Variants in CLSTN3 observed in about 807,000 individuals in gnomAD.
CLSTN3 encodes the protein calsyntenin-3.
A neutral mutation model predicts 95.9 loss-of-function variants in CLSTN3; 36 were observed. The observed-to-expected ratio is 0.38, with a 90% CI of 0.29 to 0.50. The LOEUF is 0.50. Among genes scored for constraint, CLSTN3 ranks in the 20% least tolerant of loss-of-function variants. The pLI is 0.95. For synonymous variants in CLSTN3, 481 were observed against 504.0 expected (o/e 0.95, Z 0.61); for missense variants, 1,084 against 1,268.8 (o/e 0.85, Z 2.21).
At chr12:7,155,733 G>C (rs1252507357) in intron 16 of CLSTN3, among the ~76,000 whole-genome samples, 1 of 152,244 alleles carries the variant, frequency 6.6e-6, no homozygotes, top group East Asian at 1.9e-4. Flanking sequence ...AACCAGTGTC[G>C]AGGGAGTGTG....
Position 7,150,376 on chromosome 12 carries a change from G to T in CLSTN3, c.2246-168G>T. 2 of 674,618 alleles carry T rather than the reference G, an allele frequency of 3.0e-6. No homozygotes were observed. The highest frequency in any genetic ancestry group is 4.9e-6 in the Non-Finnish European group (2 of 411,572). 41.8% of individuals were successfully genotyped at this position (674,618 alleles called of 1,614,324 possible). ...ATCCTAGTTAGTCAGAGTGGGCAGGGATGGAGGGGAGCATCCCTCCCTTCG... is the reference window on the plus strand; with the variant it reads ...ATCCTAGTTAGTCAGAGTGGGCAGGTATGGAGGGGAGCATCCCTCCCTTCG... On this transcript the variant is annotated intron_variant, in intron 14 of 17. Coordinates refer to ENST00000266546, the MANE Select transcript of CLSTN3 (RefSeq NM_014718.4). This position sits in a 1 kb window ranked among gnomAD's most constrained non-coding sequence, Gnocchi z 4.0.
At chr12:7,142,194 C>A in intron 10 of CLSTN3, 55 bp downstream of exon 10, 1 of 1,461,772 alleles carries the variant, frequency 6.8e-7, no homozygotes, top group Non-Finnish European at 9.5e-7. Flanking sequence ...ACTTTCTGTT[C>A]TGAGATCCCT....
At chr12:7,147,118 C>T (rs1939632981) in intron 12 of CLSTN3, among the ~76,000 whole-genome samples, 1 of 152,102 alleles carries the variant, frequency 6.6e-6, no homozygotes, top group Admixed American at 6.5e-5. Context: ...GATCAGAGTC[C>T]ATGCTCCTGG....
intron 10 of CLSTN3, among the ~76,000 whole-genome samples, chr12:7,142,427 C>A (rs1939543117): frequency 1.3e-5 from 2 of 152,198 alleles, no homozygotes; most frequent in Middle Eastern, 3.4e-3. Flanking sequence ...GTCAGACACG[C>A]AGAAGGGGAA....
At position 7,130,471 on chromosome 12, in the gene CLSTN3, T is replaced by C. The variant is rs1939274907; in HGVS notation, c.-178T>C. On this transcript the variant is annotated 5_prime_UTR_variant, in exon 1 of 18. Coordinates refer to ENST00000266546, the MANE Select transcript of CLSTN3 (RefSeq NM_014718.4). Reference sequence around the variant, plus strand: ...AGTCCACCGCCTCAGCTACCCAGATTGGGATCTGCCCAGGCCCGCTTTATG... The same window carrying C: ...AGTCCACCGCCTCAGCTACCCAGATCGGGATCTGCCCAGGCCCGCTTTATG... The C allele has an allele frequency of 6.7e-7, 1 of 1,492,884 alleles. No individual in the cohort carries two copies. Among genetic ancestry groups the C allele is most frequent in the African/African-American group, 1.4e-5 (1 of 71,862 alleles). 92.5% of individuals were successfully genotyped at this position (1,492,884 alleles called of 1,614,324 possible).
Position 7,148,922 on chromosome 12 carries a change from G to A in CLSTN3, c.1848-50G>A, listed in dbSNP as rs774603557. 246 of 1,513,272 alleles carry A rather than the reference G, an allele frequency of 1.6e-4. 4 individuals are homozygous for A. The South Asian group carries it at 2.4e-3, about 15-fold the overall frequency. 93.7% of individuals were successfully genotyped at this position (1,513,272 alleles called of 1,614,324 possible). ...GGAGTGAAACAGAATGTGGGTTTTC[G>A]GGGAGGAAGTGTTGGGGTCACATGC... On this transcript the variant is annotated intron_variant, in intron 12 of 17. Coordinates refer to ENST00000266546, the MANE Select transcript of CLSTN3 (RefSeq NM_014718.4).
chr12:7,135,952 A>T lies in CLSTN3; in HGVS notation c.741A>T (p.Gln247His). ...QVKPTCKPSWQGWNKRIEYAP... is the reference protein window; with the variant it reads ...QVKPTCKPSWHGWNKRIEYAP... Reference sequence around the variant, plus strand: ...AGCCCACCTGTAAACCCAGCTGGCAAGGTGAGAGCTCAGCGCTGTGCCCCA... The same window carrying T: ...AGCCCACCTGTAAACCCAGCTGGCATGGTGAGAGCTCAGCGCTGTGCCCCA... The change falls in exon 5 of 18, where the codon CAA (glutamine) becomes CAT (histidine). Residue 247 changes from glutamine (Q) to histidine (H), a missense_variant and splice_region_variant. Gln to His is a conservative substitution (Grantham distance 24). Coordinates refer to ENST00000266546, the MANE Select transcript of CLSTN3 (RefSeq NM_014718.4). 1 of 1,607,110 alleles carries T rather than the reference A, an allele frequency of 6.2e-7. No homozygotes were observed. Among genetic ancestry groups the T allele is most frequent in the Non-Finnish European group, 8.5e-7 (1 of 1,177,276 alleles).
At chr12:7,130,884 T>C in intron 1 of CLSTN3, 172 bp downstream of exon 1, 1 of 652,672 alleles carries the variant, frequency 1.5e-6, no homozygotes, top group East Asian at 2.7e-5. Flanking sequence ...TCTCTTTCTC[T>C]TCCCCCAGCT....
At chr12:7,156,336 A>T (rs1161288130) in intron 16 of CLSTN3, 5 of 456,428 alleles carry the variant, frequency 1.1e-5, no homozygotes, top group Non-Finnish European at 2.2e-5. Flanking sequence ...CTTCTTCGAG[A>T]GCTGTGTGTG....
At position 7,133,727 on chromosome 12, in the gene CLSTN3, T is replaced by C; in HGVS notation, c.342T>C (p.Cys114=). 6.2e-7 allele frequency: 1 copy of C among 1,603,848 alleles called. No individual in the cohort carries two copies. The highest frequency in any genetic ancestry group is 8.5e-7 in the Non-Finnish European group (1 of 1,176,470). The change falls in exon 3 of 18, where the codon TGT becomes TGC. Residue 114 remains cysteine (C), a synonymous_variant. Transcript: ENST00000266546. This position sits in a 1 kb window ranked among gnomAD's most constrained non-coding sequence, Gnocchi z 4.7. The stretch of plus-strand genomic sequence containing the variant: ...CCTTCACCATCCAGGCCTATGACTG[T>C]GGCGAGGGCCCCGACGGGGCCAACA... The part of the protein sequence containing the change: ...EHTFTIQAYD[C]GEGPDGANTK...
At chr12:7,136,106 G>A in intron 5 of CLSTN3, 100 bp from the exon 6 acceptor site, 1 of 1,510,194 alleles carries the variant, frequency 6.6e-7, no homozygotes, top group Non-Finnish European at 9.0e-7. Flanking sequence ...ATCCTGCCAG[G>A]AGCCCCAAAC....
chr12:7,136,977 C>T lies in CLSTN3; in HGVS notation c.1077C>T (p.Pro359=), dbSNP rs1939437955. The T allele has an allele frequency of 1.2e-6, 2 of 1,614,088 alleles. No homozygotes were observed. The highest frequency in any genetic ancestry group is 1.3e-5 in the African/African-American group (1 of 74,940). Residue 359 remains proline, a synonymous_variant, in exon 7 of 18, where the codon CCC becomes CCT. Coordinates refer to ENST00000266546, the MANE Select transcript of CLSTN3 (RefSeq NM_014718.4). ...CTGTGCAGGTGCCCCTGGGTGGCCC[C>T]AGTGGGCTGGGCTCTGGGCCCCAGG... ...TQAVQVPLGG[P]SGLGSGPQDS...
Position 7,151,020 on chromosome 12 carries a change from T to C in CLSTN3, c.2484T>C (p.Pro828=). 6.2e-7 allele frequency: 1 copy of C among 1,612,060 alleles called. No individual in the cohort carries two copies. Among genetic ancestry groups the C allele is most frequent in the Non-Finnish European group, 8.5e-7 (1 of 1,178,912 alleles). ...TGCACCGTGGTCACCAGCCCCCGCC[T>C]GAGATGGCTGGACACAGCCTAGCCA... ...QFLHRGHQPP[P]EMAGHSLASS... Residue 828 remains proline, a synonymous_variant, in exon 16 of 18, where the codon CCT becomes CCC. Coordinates refer to ENST00000266546, the MANE Select transcript of CLSTN3 (RefSeq NM_014718.4).
chr12:7,129,202 G>T (rs1245493125), upstream of CLSTN3: 5 of 246,216 alleles, frequency 2.0e-5, no homozygotes, highest in African/African-American at 8.8e-5. This position sits in a 1 kb window ranked among gnomAD's most constrained non-coding sequence, Gnocchi z 5.5. Flanking sequence ...CAGGGCCTGA[G>T]GGGCAGTCTT....
In CLSTN3 at chr12:7,142,859, C is replaced by T. The variant is rs1319001871; in HGVS notation, c.1541-10C>T. ...TCACCTCCCGTCCTGCTCCTGTGTT[C>T]CTACCCTAGGAGACCCTTTGTCGAT... On this transcript the variant is annotated splice_polypyrimidine_tract_variant and intron_variant, in intron 10 of 17. Coordinates refer to ENST00000266546, the MANE Select transcript of CLSTN3 (RefSeq NM_014718.4). 1 of 1,613,266 alleles carries T rather than the reference C, an allele frequency of 6.2e-7. No homozygotes were observed. Among genetic ancestry groups the T allele is most frequent in the Admixed American group, 1.7e-5 (1 of 59,932 alleles).
Position 7,136,921 on chromosome 12 carries a change from A to G in CLSTN3, c.1021A>G (p.Ser341Gly), listed in dbSNP as rs1316470524. The change falls in exon 7 of 18, where the codon AGC becomes GGC. Residue 341 changes from serine to glycine, a missense_variant. Physicochemically the swap from Ser to Gly is moderately conservative, Grantham distance 56 (BLOSUM62 0). Coordinates refer to ENST00000266546, the MANE Select transcript of CLSTN3 (RefSeq NM_014718.4). ...CTCGGTGCACTACAGCCAGGACAGCAGCCTGATCTACTGGTTCAATGGCAC... is the reference window on the plus strand; with the variant it reads ...CTCGGTGCACTACAGCCAGGACAGCGGCCTGATCTACTGGTTCAATGGCAC... ...GLSVHYSQDSSLIYWFNGTQA... is the reference protein window; with the variant it reads ...GLSVHYSQDSGLIYWFNGTQA... 3 of 1,614,064 alleles carry G rather than the reference A, an allele frequency of 1.9e-6. No individual in the cohort carries two copies. Among genetic ancestry groups the G allele is most frequent in the Non-Finnish European group, 2.5e-6 (3 of 1,180,036 alleles).
intron 12 of CLSTN3, 71 bp from the exon 13 acceptor site, chr12:7,148,901 T>C: frequency 7.6e-7 from 1 of 1,313,302 alleles, no homozygotes; most frequent in Non-Finnish European, 1.1e-6. Context: ...GGGCGGGGAG[T>C]GAAACAGAAT....
chr12:7,134,737 G>A (rs1432832477), intron 3 of CLSTN3, among the ~76,000 whole-genome samples: 1 of 152,218 alleles, frequency 6.6e-6, no homozygotes, highest in Non-Finnish European at 1.5e-5. Flanking sequence ...CCCCGGATCT[G>A]ACTGTTGTGA....
chr12:7,130,044 G>T, upstream of CLSTN3: 1 of 208,362 alleles, frequency 4.8e-6, no homozygotes, highest in Non-Finnish European at 9.6e-6. Flanking sequence ...TGGCAGAGTT[G>T]GGGGGCGGGG....
Sources: allele counts gnomAD v4.1 joint callset (sites outside exome capture counted in the v4.1 genomes callset), GRCh38; gene constraint gnomAD v4.1.1; non-coding constraint Gnocchi (gnomAD v3.1); transcripts MANE v1.5; gene names NCBI Gene and HGNC (gene_info 2026-07-23, HGNC 2026-07-21).